Variants in RABGAP1L observed in about 807,000 individuals in gnomAD.
RABGAP1L encodes the protein rab GTPase-activating protein 1-like.
Under a neutral mutation model 137.7 loss-of-function variants are expected in RABGAP1L, and 63 were observed. The ratio of observed to expected loss-of-function variants is 0.46; its 90% CI spans 0.37 to 0.56. RABGAP1L has a LOEUF of 0.56. RABGAP1L is among the 20% of genes least tolerant of loss of function. The pLI, the probability that RABGAP1L is intolerant of heterozygous loss-of-function variation, is 0.00. For missense variants in RABGAP1L, 1,095 were observed against 1,244.0 expected, an observed-to-expected ratio of 0.88 and a Z score of 1.80; for synonymous variants, 431 against 433.7, an observed-to-expected ratio of 0.99 and a Z score of 0.08.
chr1:174,994,285 T>C lies in RABGAP1L; in HGVS notation c.*4284T>C, dbSNP rs1397127540. 6.6e-6 allele frequency: 1 copy of C among 152,200 alleles called. No individual in the cohort carries two copies. Among genetic ancestry groups the C allele is most frequent in the Non-Finnish European group, 1.5e-5 (1 of 68,048 alleles). The allele number at this position is 152,200 out of a possible 1,614,324, so 9.4% of individuals were successfully genotyped here. The stretch of plus-strand genomic sequence containing the variant: ...AGTTGTAATGAGAAAAGTGGGCATA[T>C]AGGAGATTTTAGTGACTGCAGTCAG... On this transcript the variant is annotated 3_prime_UTR_variant, in exon 26 of 26. Transcript: ENST00000681986.
At chr1:174,420,199 C>CT (rs36019314) in intron 13 of RABGAP1L, among the ~76,000 whole-genome samples, 2,500 of 135,214 alleles carry the variant, frequency 0.018, 71 homozygotes, top group African/African-American at 0.058. Context: ...GCCCAACCTC[C>CT]TTTTTTTTTT....
chr1:174,869,654 C>G (rs1651866547), intron 19 of RABGAP1L, among the ~76,000 whole-genome samples: 1 of 152,164 alleles, frequency 6.6e-6, no homozygotes, highest in Admixed American at 6.5e-5. Flanking sequence ...CTCATTGTCA[C>G]TGCTATAGAC....
At chr1:174,301,293 C>T (rs561544317) in intron 10 of RABGAP1L, among the ~76,000 whole-genome samples, 7 of 151,270 alleles carry the variant, frequency 4.6e-5, no homozygotes, top group South Asian at 4.2e-4. Context: ...GCTGTGACTC[C>T]GAAGCCCCTG....
intron 13 of RABGAP1L, among the ~76,000 whole-genome samples, chr1:174,596,390 T>C (rs1301833592): frequency 1.3e-5 from 2 of 152,190 alleles, no homozygotes; most frequent in Non-Finnish European, 2.9e-5. Flanking sequence ...CTCTTCAGTT[T>C]CTTTCATCAG....
At chr1:174,188,333 A>G (rs992588749) in intron 1 of RABGAP1L, among the ~76,000 whole-genome samples, 1 of 152,220 alleles carries the variant, frequency 6.6e-6, no homozygotes, top group African/African-American at 2.4e-5. Flanking sequence ...TTTGAAGTGT[A>G]TAAATTTAAC....
intron 24 of RABGAP1L, among the ~76,000 whole-genome samples, chr1:174,985,505 A>G (rs1671516141): frequency 6.6e-6 from 1 of 152,236 alleles, no homozygotes; most frequent in Non-Finnish European, 1.5e-5. Context: ...TTAAGCCTGG[A>G]AGTCAGACTC....
At chr1:174,503,821 A>G (rs1344981096) in intron 13 of RABGAP1L, among the ~76,000 whole-genome samples, 1 of 152,088 alleles carries the variant, frequency 6.6e-6, no homozygotes. Context: ...AAAGACCTCT[A>G]CACTGAAAAC....
At chr1:174,601,151 A>C (rs1390038315) in intron 13 of RABGAP1L, among the ~76,000 whole-genome samples, 1 of 152,208 alleles carries the variant, frequency 6.6e-6, no homozygotes, top group Non-Finnish European at 1.5e-5. Flanking sequence ...CCTTTCAGCC[A>C]GGGCTGGAGT....
chr1:174,393,048 G>C (rs1035861364), intron 12 of RABGAP1L, among the ~76,000 whole-genome samples: 1 of 152,172 alleles, frequency 6.6e-6, no homozygotes, highest in African/African-American at 2.4e-5. Context: ...TCAGTTTCTT[G>C]GTCAGATGGG....
intron 7 of RABGAP1L, among the ~76,000 whole-genome samples, chr1:174,260,059 T>C (rs1558078828): frequency 6.6e-6 from 1 of 152,146 alleles, no homozygotes; most frequent in African/African-American, 2.4e-5. Flanking sequence ...GGTCTTGAAC[T>C]CCTGACCTCG....
At chr1:174,958,019 C>T in intron 20 of RABGAP1L, 2 of 1,534,604 alleles carry the variant, frequency 1.3e-6, no homozygotes, top group Non-Finnish European at 1.7e-6. Context: ...GGAAAAATGG[C>T]AAAGTACTGT....
intron 19 of RABGAP1L, among the ~76,000 whole-genome samples, chr1:174,904,386 G>A (rs1332305280): frequency 6.6e-6 from 1 of 152,136 alleles, no homozygotes; most frequent in South Asian, 2.1e-4. Context: ...CAAAAAGAGA[G>A]ATTGAGACCA....
Position 174,491,884 on chromosome 1 carries a change from G to A in RABGAP1L, c.1710+97739G>A, listed in dbSNP as rs149028618. On this transcript the variant is annotated intron_variant, in intron 13 of 25. Transcript: ENST00000681986. ...AGGACAGCACTGAATTAAGTGCAGC[G>A]TGTCACAATCACTGCATTCTTTCTC... is the stretch of plus-strand genomic sequence containing the variant. Among the ~76,000 whole-genome samples, 90 of 152,260 alleles carry A rather than the reference G, an allele frequency of 5.9e-4. 1 individual carries two copies. Among genetic ancestry groups the A allele is most frequent in the African/African-American group, 1.9e-3 (79 of 41,546 alleles).
chr1:174,340,338 G>A (rs901241520), intron 11 of RABGAP1L, among the ~76,000 whole-genome samples: 1 of 151,926 alleles, frequency 6.6e-6, no homozygotes. Flanking sequence ...AAGTTCTGGG[G>A]TACATGTGCA....
intron 19 of RABGAP1L, among the ~76,000 whole-genome samples, chr1:174,840,580 G>A (rs2148944533): frequency 6.6e-6 from 1 of 151,476 alleles, no homozygotes; most frequent in South Asian, 2.1e-4. Context: ...GGGAGGCTGA[G>A]GCGTGCGGAT....
intron 5 of RABGAP1L, among the ~76,000 whole-genome samples, chr1:174,247,044 AT>A (rs1306688089): frequency 6.6e-6 from 1 of 152,026 alleles, no homozygotes; most frequent in Non-Finnish European, 1.5e-5. Flanking sequence ...TTTCTCCATC[AT>A]TCTGTATCAC....
chr1:174,794,678 C>T (rs540544563), intron 18 of RABGAP1L, among the ~76,000 whole-genome samples: 2 of 152,224 alleles, frequency 1.3e-5, no homozygotes, highest in South Asian at 4.2e-4. Flanking sequence ...TGTCTAGGCC[C>T]ATCCCAGTAG....
In RABGAP1L at chr1:174,382,973, G is replaced by A. The variant is rs1266568523; in HGVS notation, c.1560-11022G>A. Among the ~76,000 whole-genome samples, 1,302 of 150,686 alleles carry A rather than the reference G, an allele frequency of 8.6e-3. 12 individuals are homozygous for A. The highest frequency in any genetic ancestry group is 0.029 in the African/African-American group (1,188 of 41,098). On this transcript the variant is annotated intron_variant, in intron 12 of 25. Transcript: ENST00000681986. ...TGATGTACAGATGGGTTTTCGGTGTGGATGTCCTTTCTGTTTGTTAGTTTT... is the reference window on the plus strand; with the variant it reads ...TGATGTACAGATGGGTTTTCGGTGTAGATGTCCTTTCTGTTTGTTAGTTTT...
intron 13 of RABGAP1L, among the ~76,000 whole-genome samples, chr1:174,527,438 C>T (rs1404399893): frequency 1.3e-5 from 2 of 151,986 alleles, no homozygotes; most frequent in Non-Finnish European, 2.9e-5. Context: ...AACTCCTGAC[C>T]TCAGGTGATC....
Sources: allele counts gnomAD v4.1 joint callset (sites outside exome capture counted in the v4.1 genomes callset), GRCh38; gene constraint gnomAD v4.1.1; transcripts MANE v1.5; gene names NCBI Gene and HGNC (gene_info 2026-07-23, HGNC 2026-07-21).